ZNF385D: variants seen among roughly 807,000 people sequenced by gnomAD.
ZNF385D encodes zinc finger protein 385D.
Under a neutral mutation model 35.8 loss-of-function variants are expected in ZNF385D, and 15 were observed. The observed-to-expected ratio is 0.42, with a 90% CI of 0.28 to 0.64. ZNF385D has a LOEUF of 0.64. Ranked by LOEUF, ZNF385D falls within the 30% of genes least tolerant of loss-of-function variation. The pLI is 0.23. For synonymous variants in ZNF385D, 212 were observed against 186.8 expected, an observed-to-expected ratio of 1.13 and a Z score of -1.10; for missense variants, 474 against 494.6, an observed-to-expected ratio of 0.96 and a Z score of 0.39.
At chr3:22,211,558 T>C (rs1037211424) in intron 2 of ZNF385D, among the ~76,000 whole-genome samples, 14 of 151,984 alleles carry the variant, frequency 9.2e-5, no homozygotes, top group African/African-American at 2.2e-4. Context: ...CAGGAGATGA[T>C]ACCAAGAAAG....
At chr3:21,766,635 C>T (rs770016022) in intron 3 of ZNF385D, among the ~76,000 whole-genome samples, 2 of 151,934 alleles carry the variant, frequency 1.3e-5, no homozygotes, top group Non-Finnish European at 2.9e-5. Context: ...GTATTCAAGG[C>T]CCACTATGGA....
intron 2 of ZNF385D, among the ~76,000 whole-genome samples, chr3:22,251,242 C>T (rs1700049051): frequency 6.6e-6 from 1 of 152,104 alleles, no homozygotes; most frequent in African/African-American, 2.4e-5. Flanking sequence ...GCTTAAGTAT[C>T]ATCTTTACAT....
rs919305479 is a variant in ZNF385D at position 22,156,650 on chromosome 3, C to T, written c.325+12167G>A. ...GGTCATGAAATGCCTCCATAGCAGA[C>T]TTTTCCTTGCCGACTGAGGTATGTA... is the stretch of plus-strand genomic sequence containing the variant. On this transcript the variant is annotated intron_variant, in intron 3 of 5. Transcript: ENST00000494108. Among the ~76,000 whole-genome samples, 6 of 152,218 alleles carry T rather than the reference C, an allele frequency of 3.9e-5. No individual in the cohort carries two copies. In the East Asian group the frequency reaches 7.8e-4, roughly 20 times the overall value.
At chr3:21,690,985 C>A (rs533494048) in intron 1 of ZNF385D, among the ~76,000 whole-genome samples, 2 of 152,268 alleles carry the variant, frequency 1.3e-5, no homozygotes, top group African/African-American at 4.8e-5. Flanking sequence ...CTGTTTACTA[C>A]CTTTTTCCCT....
chr3:21,973,480 CT>C (rs1258216305), intron 3 of ZNF385D, among the ~76,000 whole-genome samples: 1 of 151,964 alleles, frequency 6.6e-6, no homozygotes, highest in Admixed American at 6.6e-5. Context: ...CAGGGAAAAA[CT>C]GACAGCTTTT....
At chr3:21,505,566 G>A (rs1706711795) in intron 4 of ZNF385D, among the ~76,000 whole-genome samples, 1 of 152,026 alleles carries the variant, frequency 6.6e-6, no homozygotes, top group African/African-American at 2.4e-5. Flanking sequence ...TGAAACAATT[G>A]CAGCTCACTG....
chr3:21,616,752 A>G (rs2064858701), intron 2 of ZNF385D, among the ~76,000 whole-genome samples: 2 of 152,232 alleles, frequency 1.3e-5, no homozygotes. Context: ...TTTAATGTCT[A>G]AATGCATAGG....
chr3:22,104,965 T>C (rs1702128536), intron 3 of ZNF385D, among the ~76,000 whole-genome samples: 1 of 152,158 alleles, frequency 6.6e-6, no homozygotes. Context: ...CCACAACGTC[T>C]TTACATTGAC....
intron 3 of ZNF385D, among the ~76,000 whole-genome samples, chr3:22,117,466 G>A (rs1002651195): frequency 3.9e-5 from 6 of 151,970 alleles, no homozygotes; most frequent in African/African-American, 1.4e-4. Flanking sequence ...CTGGCTTGAG[G>A]AGGAAAAGAC....
intron 3 of ZNF385D, among the ~76,000 whole-genome samples, chr3:22,113,758 G>A (rs1702662969): frequency 6.6e-6 from 1 of 152,016 alleles, no homozygotes; most frequent in African/African-American, 2.4e-5. Context: ...GGCCAAGGCG[G>A]GTGAATCACG....
rs11380195 is a variant in ZNF385D, at chr3:22,019,034, C to CTTTTTTTTTTT, written c.325+149772_325+149782dup. Among the ~76,000 whole-genome samples, 143 of 64,454 alleles carry CTTTTTTTTTTT rather than the reference C, an allele frequency of 2.2e-3. 10 individuals are homozygous for CTTTTTTTTTTT. Among genetic ancestry groups the CTTTTTTTTTTT allele is most frequent in the South Asian group, 6.9e-3 (10 of 1,454 alleles). The allele number at this position is 64,454 out of a possible 152,430, so 42.3% of individuals were successfully genotyped here. Reference sequence around the variant, plus strand: ...CAGTTTCATGGATAGAGTTATTTACCTTTTTTTTTTTTTTTTTTTTTTTTT... The same window carrying CTTTTTTTTTTT: ...CAGTTTCATGGATAGAGTTATTTACCTTTTTTTTTTTTTTTTTTTTTTTTTTTTTTTTTTTT... On this transcript the variant is annotated intron_variant, in intron 3 of 5. Transcript: ENST00000494108.
chr3:21,621,749 T>A (rs1029413721), intron 2 of ZNF385D, among the ~76,000 whole-genome samples: 2 of 152,040 alleles, frequency 1.3e-5, no homozygotes, highest in African/African-American at 4.8e-5. Flanking sequence ...CCTATTATCT[T>A]CTGAGATACT....
intron 3 of ZNF385D, among the ~76,000 whole-genome samples, chr3:21,525,991 TATG>T (rs1453112509): frequency 2.0e-5 from 3 of 152,234 alleles, no homozygotes; most frequent in Admixed American, 2.0e-4. Context: ...AGTGCACAAA[TATG>T]ATTAGCTTTT....
At chr3:21,755,695 G>A (rs1344538639), upstream of ZNF385D, among the ~76,000 whole-genome samples, 1 of 152,120 alleles carries the variant, frequency 6.6e-6, no homozygotes, top group Admixed American at 6.5e-5. Context: ...CCAAATGAAA[G>A]AGGATTTTCT....
At chr3:22,196,175 G>T (rs1696399716) in intron 2 of ZNF385D, among the ~76,000 whole-genome samples, 1 of 151,924 alleles carries the variant, frequency 6.6e-6, no homozygotes, top group Admixed American at 6.6e-5. Context: ...GAACTTAAAA[G>T]TTAAAAAATA....
intron 2 of ZNF385D, among the ~76,000 whole-genome samples, chr3:22,205,143 A>G (rs1161498175): frequency 6.6e-6 from 1 of 152,072 alleles, no homozygotes; most frequent in East Asian, 1.9e-4. Flanking sequence ...ATGGCATCCA[A>G]TGAAGCTCCA....
chr3:21,683,962 T>C (rs1469953990), intron 1 of ZNF385D, among the ~76,000 whole-genome samples: 6 of 150,172 alleles, frequency 4.0e-5, no homozygotes, highest in African/African-American at 7.4e-5. Flanking sequence ...ACAGAGAACA[T>C]AGCCACATCT....
intron 3 of ZNF385D, among the ~76,000 whole-genome samples, chr3:21,986,531 GAT>G (rs1262758417): frequency 7.0e-6 from 1 of 141,906 alleles, no homozygotes; most frequent in Admixed American, 6.8e-5. Flanking sequence ...TGGTCTGAGA[GAT>G]AGTTTGTTAT....
Position 21,862,740 on chromosome 3 carries a change from A to G in ZNF385D, c.326-197712T>C, listed in dbSNP as rs183461297. Among the ~76,000 whole-genome samples the G allele has an allele frequency of 2.7e-3, 411 of 152,294 alleles. 4 individuals are homozygous for G. The highest frequency in any genetic ancestry group is 2.9e-3 in the Non-Finnish European group (198 of 68,014). On this transcript the variant is annotated intron_variant, in intron 3 of 5. Coordinates refer to the ZNF385D transcript ENST00000494108. ...AGCTGTGCCTCCCCAAGGGCTCCTT[A>G]TAGAAGTTCTTTTTCTGTTAGCACG...
Sources: allele counts gnomAD v4.1 joint callset (sites outside exome capture counted in the v4.1 genomes callset), GRCh38; gene constraint gnomAD v4.1.1; transcripts MANE v1.5; gene names NCBI Gene and HGNC (gene_info 2026-07-23, HGNC 2026-07-21).